ERMP1: variants seen among roughly 807,000 people sequenced by gnomAD.
The protein encoded by ERMP1 is endoplasmic reticulum metallopeptidase 1, also known as Felix-ina.
ERMP1 carries 86 observed loss-of-function variants against 92.0 expected under a neutral mutation model. The observed-to-expected ratio is 0.93, with a 90% confidence interval of 0.79 to 1.12. The LOEUF is 1.12. Ranked by LOEUF, ERMP1 falls within the 50% of genes most tolerant of loss-of-function variation. The pLI is 0.00. For synonymous variants in ERMP1, 530 were observed against 412.8 expected, an observed-to-expected ratio of 1.28 and a Z score of -3.44; for missense variants, 1,342 against 1,116.3, an observed-to-expected ratio of 1.20 and a Z score of -2.88.
At chr9:5,860,114 T>G (rs1289059469) in intron 5 of ERMP1, among the ~76,000 whole-genome samples, 2 of 145,140 alleles carry the variant, frequency 1.4e-5, no homozygotes, top group Admixed American at 7.1e-5. Context: ...CGGGGCAGTA[T>G]AGTGAGACCT....
Position 5,832,862 on chromosome 9 carries a change from C to A in ERMP1, c.166G>T (p.Gly56Cys), listed in dbSNP as rs773878188. 11 of 1,519,562 alleles carry A rather than the reference C, an allele frequency of 7.2e-6. No individual in the cohort carries two copies. Among genetic ancestry groups the A allele is most frequent in the Non-Finnish European group, 3.5e-6 (4 of 1,142,728 alleles). 94.1% of individuals were successfully genotyped at this position (1,519,562 alleles called of 1,614,324 possible). Residue 56 changes from glycine to cysteine, a missense_variant, in exon 1 of 15, where the codon GGT (glycine) becomes TGT (cysteine). Physicochemically the swap from Gly to Cys is radical, Grantham distance 159. Coordinates refer to ENST00000339450, the MANE Select transcript of ERMP1 (RefSeq NM_024896.3). ...GCGCCCCTGCTCGCGCCGCCGCTAC[C>A]CCCGGGGCTCCTCTTCCGCGTCCTC... Reference protein sequence around the residue: ...GGRTRKRSPGGSGGASRGAGT... With the variant: ...GGRTRKRSPGCSGGASRGAGT...
In ERMP1 at chr9:5,787,255, A is replaced by G; in HGVS notation, c.2604T>C (p.Tyr868=). The change falls in exon 15 of 15, where the codon TAT becomes TAC. Residue 868 remains tyrosine, a synonymous_variant. Transcript: ENST00000339450. Reference sequence around the variant, plus strand: ...GGGATCTCTTGTCTTCCCCAGACAGATAGTGGGCAGCAATGGCCACGGTGA... The same window carrying G: ...GGGATCTCTTGTCTTCCCCAGACAGGTAGTGGGCAGCAATGGCCACGGTGA... ...GMVTVAIAAH[Y]LSGEDKRSPQ... 4 of 1,614,082 alleles carry G rather than the reference A, an allele frequency of 2.5e-6. No homozygotes were observed. The highest frequency in any genetic ancestry group is 3.4e-6 in the Non-Finnish European group (4 of 1,179,992).
intron 6 of ERMP1, among the ~76,000 whole-genome samples, chr9:5,856,943 T>C (rs944051977): frequency 4.6e-5 from 7 of 152,182 alleles, no homozygotes; most frequent in African/African-American, 1.7e-4. Flanking sequence ...ATGACCAGTC[T>C]TGGGGGCCAT....
At position 5,810,171 on chromosome 9, in the gene ERMP1, G is replaced by A. The variant is rs755468335; in HGVS notation, c.1388C>T (p.Thr463Ile). 41 of 1,613,992 alleles carry A rather than the reference G, an allele frequency of 2.5e-5. No individual in the cohort carries two copies. The South Asian group carries it at 3.5e-4, about 14-fold the overall frequency. Residue 463 changes from threonine to isoleucine, a missense_variant, in exon 8 of 15, where the codon ACT (threonine) becomes ATT (isoleucine). Physicochemically the swap from Thr to Ile is moderately conservative, Grantham distance 89. Coordinates refer to ENST00000339450, the MANE Select transcript of ERMP1 (RefSeq NM_024896.3). ...TATAATGAGAACGGTAACAAGGCTA[G>A]TGAACCAGCTGATCAAAGTGATGCC... ...GLGITLISWF[T>I]SLVTVLIIAV...
chr9:5,832,809 G>C lies in ERMP1; in HGVS notation c.219C>G (p.Ala73=), dbSNP rs778424080. 15 of 1,501,320 alleles carry C rather than the reference G, an allele frequency of 1.0e-5. No individual in the cohort carries two copies. The highest frequency in any genetic ancestry group is 4.3e-5 in the Admixed American group (2 of 46,946). The allele number at this position is 1,501,320 out of a possible 1,614,324, so 93.0% of individuals were successfully genotyped here. A position where few individuals can be genotyped will look rare whatever the true frequency, so the allele number is the denominator to read the frequency against. ...TCAGGTAGAGCGCGAGCCCCAGCGC[G>C]GCGCGCACCTCAGACAGCCCGGTCC... ...GAGTGLSEVR[A]ALGLALYLIA... Residue 73 remains alanine (A), a synonymous_variant, in exon 1 of 15, where the codon GCC becomes GCG. Transcript: ENST00000339450.
chr9:5,861,168 GGGGT>G (rs139043695), intron 5 of ERMP1, among the ~76,000 whole-genome samples: 40,467 of 117,508 alleles, frequency 0.34, 5,948 homozygotes, highest in East Asian at 0.61. Context: ...AATGGCTTAG[GGGGT>G]GTGTGTGTGT....
At chr9:5,818,833 G>A (rs949702910) in intron 4 of ERMP1, among the ~76,000 whole-genome samples, 5 of 152,124 alleles carry the variant, frequency 3.3e-5, no homozygotes, top group African/African-American at 9.7e-5. Context: ...ATTTAAAAAA[G>A]TAATACATGT....
rs79100383 is a variant in ERMP1, at chr9:5,809,551, A to G, written c.1548+460T>C. Reference sequence around the variant, plus strand: ...AAAAACTGAAAAAACTTTAAGTACAACATTCTTTTAGGCAACAAATACTTG... The same window carrying G: ...AAAAACTGAAAAAACTTTAAGTACAGCATTCTTTTAGGCAACAAATACTTG... On this transcript the variant is annotated intron_variant, in intron 8 of 14. Transcript: ENST00000339450. Among the ~76,000 whole-genome samples, 1,276 of 152,336 alleles carry G rather than the reference A, an allele frequency of 8.4e-3. 27 individuals are homozygous for G. Among genetic ancestry groups the G allele is most frequent in the African/African-American group, 0.03 (1,230 of 41,584 alleles).
At position 5,797,754 on chromosome 9, in the gene ERMP1, CA is replaced by C. The variant is rs1031940812; in HGVS notation, c.2386+62del. The stretch of plus-strand genomic sequence containing the variant: ...GTGATATATCTGAGGGAAAAACATA[CA>C]TGCCACTTATTAACAAGTTTAAGAA... On this transcript the variant is annotated intron_variant, in intron 13 of 14. Transcript: ENST00000339450. 18 of 968,840 alleles carry C rather than the reference CA, an allele frequency of 1.9e-5. No individual in the cohort carries two copies. The African/African-American group carries it at 2.8e-4, about 15-fold the overall frequency. 60.0% of individuals were successfully genotyped at this position (968,840 alleles called of 1,614,324 possible).
At chr9:5,813,886 ATATAAT>A (rs1829205051) in intron 4 of ERMP1, among the ~76,000 whole-genome samples, 1 of 148,288 alleles carries the variant, frequency 6.7e-6, no homozygotes, top group East Asian at 1.9e-4. Context: ...ACGTATATTT[ATATAAT>A]TATAATTATA....
At chr9:5,798,785 G>C in intron 12 of ERMP1, 21 bp downstream of exon 12, 1 of 1,549,202 alleles carries the variant, frequency 6.5e-7, no homozygotes, top group East Asian at 2.2e-5. Flanking sequence ...CTAACCTTAA[G>C]CAGAAAAATA....
chr9:5,830,636 G>A lies in ERMP1; in HGVS notation c.640+91C>T, dbSNP rs901290823. 2.8e-5 allele frequency: 27 copies of A among 960,342 alleles called. No individual in the cohort carries two copies. In the Admixed American group the frequency reaches 4.5e-4, roughly 16 times the overall value. The allele number at this position is 960,342 out of a possible 1,614,324, so 59.5% of individuals were successfully genotyped here. On this transcript the variant is annotated intron_variant, in intron 2 of 14. Transcript: ENST00000339450. Reference sequence around the variant, plus strand: ...AGAAAAAAGGTTTGCCCAAGAAAATGGTCCCCACAATTGCCCAAGTAGCTT... The same window carrying A: ...AGAAAAAAGGTTTGCCCAAGAAAATAGTCCCCACAATTGCCCAAGTAGCTT...
At position 5,830,845 on chromosome 9, in the gene ERMP1, TC is replaced by T; in HGVS notation, c.521del (p.Gly174GlufsTer15). The T allele has an allele frequency of 6.2e-7, 1 of 1,614,120 alleles. No homozygotes were observed. The highest frequency in any genetic ancestry group is 8.5e-7 in the Non-Finnish European group (1 of 1,179,988). ...PTGSFSIDFL[G>X]GFTSYYDNIT... ...TGTTGTCATAATAGCTTGTAAAACC[TC>T]CCAAGAAATCAATGCTAAAAGAGCC... is the stretch of plus-strand genomic sequence containing the variant. On this transcript the variant is annotated frameshift_variant, in exon 2 of 15. Transcript: ENST00000339450. LOFTEE classifies it high-confidence loss of function.
In ERMP1 at chr9:5,805,689, A is replaced by G. The variant is rs763688629; in HGVS notation, c.1645T>C (p.Ser549Pro). ...ACCCAGACAGCACTAATAAACGCCGAGCAAAGTCCTTGGTAAGTGAGGGTA... is the reference window on the plus strand; with the variant it reads ...ACCCAGACAGCACTAATAAACGCCGGGCAAAGTCCTTGGTAAGTGAGGGTA... Reference protein sequence around the residue: ...LVTLTYQGLCSAFISAVWVAF... With the variant: ...LVTLTYQGLCPAFISAVWVAF... Residue 549 changes from serine (S) to proline (P), a missense_variant, in exon 9 of 15, where the codon TCG becomes CCG. Coordinates refer to ENST00000339450, the MANE Select transcript of ERMP1 (RefSeq NM_024896.3). 1 of 1,613,780 alleles carries G rather than the reference A, an allele frequency of 6.2e-7. No individual in the cohort carries two copies. Among genetic ancestry groups the G allele is most frequent in the Non-Finnish European group, 8.5e-7 (1 of 1,179,902 alleles).
At chr9:5,866,945 C>T (rs890082065) in intron 5 of ERMP1, among the ~76,000 whole-genome samples, 3 of 152,156 alleles carry the variant, frequency 2.0e-5, no homozygotes, top group African/African-American at 7.2e-5. Context: ...GTGGCTCATG[C>T]CTATAATCCC....
intron 13 of ERMP1, among the ~76,000 whole-genome samples, chr9:5,789,288 A>C (rs1336959288): frequency 6.6e-6 from 1 of 152,214 alleles, no homozygotes; most frequent in Non-Finnish European, 1.5e-5. Flanking sequence ...TTGATCAAAT[A>C]ACTTACAAAA....
At chr9:5,853,496 T>C (rs1257055722) in intron 6 of ERMP1, among the ~76,000 whole-genome samples, 3 of 152,100 alleles carry the variant, frequency 2.0e-5, no homozygotes, top group Non-Finnish European at 4.4e-5. Context: ...CTATGCTCTG[T>C]TGGTTAAGAA....
intron 13 of ERMP1, among the ~76,000 whole-genome samples, chr9:5,790,021 T>C (rs1420584877): frequency 3.3e-5 from 5 of 152,096 alleles, no homozygotes; most frequent in African/African-American, 7.2e-5. Context: ...TCCAAATGTA[T>C]TACAAAAACA....
At chr9:5,814,103 C>A (rs1330363119) in intron 4 of ERMP1, among the ~76,000 whole-genome samples, 1 of 152,050 alleles carries the variant, frequency 6.6e-6, no homozygotes, top group Non-Finnish European at 1.5e-5. Context: ...CTCAACTGGG[C>A]AGAGTTTTCA....
Sources: allele counts gnomAD v4.1 joint callset (sites outside exome capture counted in the v4.1 genomes callset), GRCh38; gene constraint gnomAD v4.1.1; transcripts MANE v1.5; gene names NCBI Gene and HGNC (gene_info 2026-07-23, HGNC 2026-07-21).